Variants in MYO3B observed in about 807,000 individuals in gnomAD.
MYO3B encodes myosin-IIIb.
MYO3B carries 156 observed loss-of-function variants against 174.6 expected under a neutral mutation model. The ratio of observed to expected loss-of-function variants is 0.89; its 90% confidence interval spans 0.78 to 1.02. MYO3B has a LOEUF of 1.02. Ranked by LOEUF, MYO3B falls within the 50% of genes least tolerant of loss-of-function variation. MYO3B has a pLI of 0.00. For synonymous variants in MYO3B, 563 were observed against 569.1 expected (o/e 0.99, Z 0.15); for missense variants, 1,632 against 1,639.4 (o/e 1.00, Z 0.08).
At chr2:170,245,715 T>C (rs2093182137) in intron 7 of MYO3B, among the ~76,000 whole-genome samples, 1 of 152,248 alleles carries the variant, frequency 6.6e-6, no homozygotes, top group African/African-American at 2.4e-5. Context: ...ATTCTGTGGC[T>C]TCTCAATAGA....
At chr2:170,542,009 C>A (rs1690144221) in intron 30 of MYO3B, among the ~76,000 whole-genome samples, 1 of 152,050 alleles carries the variant, frequency 6.6e-6, no homozygotes. Context: ...CTGGAAGAGA[C>A]CTTAGGAATA....
chr2:170,307,558 C>CA (rs2093709248), intron 7 of MYO3B, among the ~76,000 whole-genome samples: 1 of 151,392 alleles, frequency 6.6e-6, no homozygotes, highest in African/African-American at 2.4e-5. Context: ...ATTCCCTATC[C>CA]TTCCATATGG....
In MYO3B at chr2:170,257,853, CA is replaced by C. The variant is rs1378856099; in HGVS notation, c.749+21720del. ...TAAGTTAAAGGAAAGAGAGAAGACTCAAATAAACACAATCAGAAGTGACAGA... is the reference window on the plus strand; with the variant it reads ...TAAGTTAAAGGAAAGAGAGAAGACTCAATAAACACAATCAGAAGTGACAGA... On this transcript the variant is annotated intron_variant, in intron 7 of 34. Coordinates refer to ENST00000408978, the MANE Select transcript of MYO3B (RefSeq NM_138995.5). Among the ~76,000 whole-genome samples, 4 of 152,118 alleles carry C rather than the reference CA, an allele frequency of 2.6e-5. No homozygotes were observed. The East Asian group carries it at 5.8e-4, about 22-fold the overall frequency.
intron 2 of MYO3B, 96 bp downstream of exon 2, chr2:170,199,487 A>G: frequency 1.0e-6 from 1 of 985,098 alleles, no homozygotes; most frequent in South Asian, 2.4e-5. Flanking sequence ...TTTTCATGAA[A>G]CCTGGTATGA....
At chr2:170,399,103 G>A (rs991880643) in intron 16 of MYO3B, among the ~76,000 whole-genome samples, 11 of 151,984 alleles carry the variant, frequency 7.2e-5, no homozygotes, top group Non-Finnish European at 1.5e-4. Flanking sequence ...TTGGCCGGGC[G>A]TGGTAGTGCA....
intron 7 of MYO3B, among the ~76,000 whole-genome samples, chr2:170,327,294 A>G (rs1429402440): frequency 6.6e-6 from 1 of 152,240 alleles, no homozygotes; most frequent in Non-Finnish European, 1.5e-5. Context: ...CTGAGGCAGG[A>G]GAATCGCTTG....
In MYO3B at chr2:170,553,554, G is replaced by T. The variant is rs181573147; in HGVS notation, c.3733+9566G>T. ...ATTGTATCTTAGAAGTAACTAACCT[G>T]TTTTTGGTTTTACAGGCTTATAGGT... On this transcript the variant is annotated intron_variant, in intron 32 of 34. Transcript: ENST00000408978. Among the ~76,000 whole-genome samples the T allele has an allele frequency of 2.5e-5, 3 of 119,870 alleles. 1 individual carries two copies. Among genetic ancestry groups the T allele is most frequent in the African/African-American group, 1.0e-4 (3 of 28,618 alleles). The allele number at this position is 119,870 out of a possible 152,430, so 78.6% of individuals were successfully genotyped here.
chr2:170,364,930 G>A (rs2094186975), intron 8 of MYO3B, among the ~76,000 whole-genome samples: 1 of 152,170 alleles, frequency 6.6e-6, no homozygotes, highest in African/African-American at 2.4e-5. Context: ...CAGTGTTCTG[G>A]TGGCCTCCTG....
chr2:170,360,851 G>A (rs2094155367), intron 8 of MYO3B, among the ~76,000 whole-genome samples: 1 of 152,194 alleles, frequency 6.6e-6, no homozygotes, highest in Non-Finnish European at 1.5e-5. Context: ...TGGAAGTAGA[G>A]AGCAGCCCTC....
intron 32 of MYO3B, among the ~76,000 whole-genome samples, chr2:170,602,788 C>T (rs952919504): frequency 1.3e-5 from 2 of 152,188 alleles, no homozygotes; most frequent in Admixed American, 6.5e-5. Context: ...TGACTTCTGC[C>T]AGGCGCAGTG....
chr2:170,481,406 A>G (rs1685682708), intron 25 of MYO3B, among the ~76,000 whole-genome samples: 1 of 152,116 alleles, frequency 6.6e-6, no homozygotes, highest in African/African-American at 2.4e-5. Context: ...GCAACTTGGC[A>G]AAACCCTAAA....
chr2:170,239,381 A>G (rs2093106490), intron 7 of MYO3B, among the ~76,000 whole-genome samples: 1 of 152,204 alleles, frequency 6.6e-6, no homozygotes, highest in Non-Finnish European at 1.5e-5. Context: ...GTCTTTGGCT[A>G]ATGACCCCCT....
intron 30 of MYO3B, among the ~76,000 whole-genome samples, chr2:170,527,556 G>C (rs925530477): frequency 1.3e-5 from 2 of 152,224 alleles, no homozygotes; most frequent in African/African-American, 4.8e-5. Context: ...TTAACCGCCT[G>C]CCTAATTCAT....
intron 22 of MYO3B, among the ~76,000 whole-genome samples, chr2:170,442,701 G>A (rs1376132394): frequency 2.6e-5 from 4 of 151,964 alleles, no homozygotes; most frequent in South Asian, 4.2e-4. Context: ...CCCACCCTGC[G>A]TCCAAGTGTT....
At chr2:170,560,951 T>C (rs1323955870) in intron 32 of MYO3B, among the ~76,000 whole-genome samples, 1 of 152,214 alleles carries the variant, frequency 6.6e-6, no homozygotes, top group Non-Finnish European at 1.5e-5. Context: ...TGTTCATTCC[T>C]TTTTTGTCCT....
intron 8 of MYO3B, among the ~76,000 whole-genome samples, chr2:170,355,033 C>CGAA (rs2094109409): frequency 6.6e-6 from 1 of 152,114 alleles, no homozygotes. Context: ...CTTGGGTGGC[C>CGAA]ACTTCCTCTG....
At chr2:170,550,137 A>G (rs1990605) in intron 32 of MYO3B, among the ~76,000 whole-genome samples, 16,442 of 152,178 alleles carry the variant, frequency 0.11, 2,483 homozygotes, top group African/African-American at 0.34. Flanking sequence ...TGGCTCCCTC[A>G]GGCTGAAAAC....
intron 12 of MYO3B, among the ~76,000 whole-genome samples, chr2:170,384,387 C>G (rs1251958906): frequency 2.0e-5 from 3 of 152,152 alleles, no homozygotes; most frequent in Non-Finnish European, 4.4e-5. Flanking sequence ...TATATCTAAT[C>G]TTTCATCCCT....
intron 23 of MYO3B, among the ~76,000 whole-genome samples, chr2:170,448,676 T>TA (rs1683402928): frequency 1.3e-5 from 2 of 152,312 alleles, no homozygotes; most frequent in Admixed American, 6.5e-5. Context: ...GTTTTAAAAG[T>TA]AAAGATTTGA....
Sources: allele counts gnomAD v4.1 joint callset (sites outside exome capture counted in the v4.1 genomes callset), GRCh38; gene constraint gnomAD v4.1.1; transcripts MANE v1.5; gene names NCBI Gene and HGNC (gene_info 2026-07-23, HGNC 2026-07-21).